The following NELL1 variants were observed in gnomAD, a reference collection of about 807,000 sequenced individuals.
NELL1 encodes the protein protein kinase C-binding protein NELL1.
NELL1 carries 76 observed loss-of-function variants against 107.4 expected under a neutral mutation model. The ratio of observed to expected loss-of-function variants is 0.71; its 90% CI spans 0.59 to 0.86. The LOEUF (loss-of-function observed/expected upper bound fraction) is 0.86, where lower values mean the gene tolerates loss of function less well. NELL1 is among the 40% of genes least tolerant of loss of function. The probability of loss-of-function intolerance (pLI) is 0.00; values close to 1 mark genes in which losing one functional copy is unlikely to be tolerated. For synonymous variants in NELL1, 353 were observed against 341.2 expected, an observed-to-expected ratio of 1.03 and a Z score of -0.38; for missense variants, 1,024 against 1,005.5, an observed-to-expected ratio of 1.02 and a Z score of -0.25.
chr11:20,807,626 C>T (rs570812559), intron 3 of NELL1, among the ~76,000 whole-genome samples: 57 of 152,338 alleles, frequency 3.7e-4, no homozygotes, highest in Admixed American at 7.8e-4. Context: ...GTGTTCTTCC[C>T]TTCTGTGCAG....
rs1421676033 is a variant in NELL1, at chr11:21,560,213, C to T, written c.1811C>T (p.Thr604Ile). ...CIDIDECALR[T>I]HTCWNDSACI... ...GACATTGATGAATGTGCCTTAAGAA[C>T]TCACACCTGTTGGAACGATTCTGCC... Residue 604 changes from threonine (T) to isoleucine (I), a missense_variant, in exon 17 of 20, where the codon ACT (threonine) becomes ATT (isoleucine). Thr to Ile is a moderately conservative substitution (Grantham distance 89, BLOSUM62 -1). Coordinates refer to ENST00000357134, the MANE Select transcript of NELL1 (RefSeq NM_006157.5). 1.2e-6 allele frequency: 2 copies of T among 1,613,690 alleles called. No individual in the cohort carries two copies. The highest frequency in any genetic ancestry group is 1.1e-5 in the South Asian group (1 of 91,084).
intron 15 of NELL1, among the ~76,000 whole-genome samples, chr11:21,427,892 C>A (rs1038116861): frequency 2.0e-5 from 3 of 152,178 alleles, no homozygotes; most frequent in Non-Finnish European, 2.9e-5. Flanking sequence ...AAAGCCACTG[C>A]AACTTCCCAG....
rs371199709 is a variant in NELL1 at position 21,424,668 on chromosome 11, C to T, written c.1645+53720C>T. Among the ~76,000 whole-genome samples, 13 of 151,992 alleles carry T rather than the reference C, an allele frequency of 8.6e-5. No individual in the cohort carries two copies. The South Asian group carries it at 1.0e-3, about 12-fold the overall frequency. Reference sequence around the variant, plus strand: ...GAAAACAAAAACAAAAAAATGAGTACGGTATGCTATCTAATTTGGTAATGA... The same window carrying T: ...GAAAACAAAAACAAAAAAATGAGTATGGTATGCTATCTAATTTGGTAATGA... On this transcript the variant is annotated intron_variant, in intron 15 of 19. Transcript: ENST00000357134.
intron 5 of NELL1, among the ~76,000 whole-genome samples, chr11:20,911,327 A>G (rs1369475178): frequency 2.6e-5 from 4 of 152,174 alleles, no homozygotes; most frequent in Admixed American, 6.5e-5. Context: ...AGTTAATTAC[A>G]TTTCACCTTC....
intron 13 of NELL1, among the ~76,000 whole-genome samples, chr11:21,195,333 G>T (rs1055275125): frequency 1.3e-5 from 2 of 152,000 alleles, no homozygotes; most frequent in African/African-American, 2.4e-5. Flanking sequence ...CCTGAGTTTG[G>T]TCTCAAGTCC....
intron 12 of NELL1, among the ~76,000 whole-genome samples, chr11:21,084,691 C>A (rs1176643010): frequency 1.3e-5 from 2 of 152,212 alleles, no homozygotes; most frequent in African/African-American, 4.8e-5. Flanking sequence ...GTGGAATTGC[C>A]AGTCATCTTA....
chr11:21,403,739 A>G (rs1190291863), intron 15 of NELL1, among the ~76,000 whole-genome samples: 1 of 141,132 alleles, frequency 7.1e-6, no homozygotes, highest in African/African-American at 2.6e-5. Context: ...CAAGAATGTT[A>G]TCAGAAAAAA....
chr11:21,001,686 C>G lies in NELL1; in HGVS notation c.1300+41126C>G, dbSNP rs143100922. Among the ~76,000 whole-genome samples the G allele has an allele frequency of 3.3e-5, 5 of 151,758 alleles. No homozygotes were observed. In the East Asian group the frequency reaches 5.9e-4, roughly 18 times the overall value. On this transcript the variant is annotated intron_variant, in intron 12 of 19. Coordinates refer to ENST00000357134, the MANE Select transcript of NELL1 (RefSeq NM_006157.5). The stretch of plus-strand genomic sequence containing the variant: ...AAGCAAAATAGAGAAAATAAGAGAG[C>G]CTCAGACCAAATGTGAATCTTACAA...
At chr11:21,252,430 C>T (rs1035181932) in intron 14 of NELL1, among the ~76,000 whole-genome samples, 2 of 152,114 alleles carry the variant, frequency 1.3e-5, no homozygotes, top group African/African-American at 4.8e-5. Context: ...AGAGACTTGA[C>T]ACCAAGTTGT....
rs116524344 is a variant in NELL1, at chr11:21,457,017, T to A, written c.1646-77357T>A. 6.0e-3 allele frequency among the ~76,000 whole-genome samples: 917 copies of A among 152,200 alleles called. 14 individuals are homozygous for A. The highest frequency in any genetic ancestry group is 0.021 in the African/African-American group (875 of 41,536). The stretch of plus-strand genomic sequence containing the variant: ...ACACACACACACCACCCTGACATAA[T>A]ACTTCCATTAAAGGTTTGGCAATAT... On this transcript the variant is annotated intron_variant, in intron 15 of 19. Transcript: ENST00000357134.
At chr11:21,419,712 C>T (rs73457393) in intron 15 of NELL1, among the ~76,000 whole-genome samples, 4,616 of 151,988 alleles carry the variant, frequency 0.03, 249 homozygotes, top group African/African-American at 0.1. Flanking sequence ...GCTGTCACTT[C>T]GATGAAGAGA....
intron 15 of NELL1, among the ~76,000 whole-genome samples, chr11:21,474,383 C>G (rs1371758396): frequency 6.6e-6 from 1 of 151,916 alleles, no homozygotes; most frequent in Non-Finnish European, 1.5e-5. Flanking sequence ...TCTGTGTTCC[C>G]TTTATAAGAT....
intron 5 of NELL1, among the ~76,000 whole-genome samples, chr11:20,902,265 A>T (rs1849892252): frequency 6.7e-6 from 1 of 150,190 alleles, no homozygotes; most frequent in Non-Finnish European, 1.5e-5. Context: ...GCTGCAAATC[A>T]ATAAGAAACC....
intron 12 of NELL1, among the ~76,000 whole-genome samples, chr11:21,015,403 T>A (rs1024851708): frequency 2.6e-5 from 4 of 152,124 alleles, no homozygotes; most frequent in Non-Finnish European, 5.9e-5. Context: ...CCCTTTTCCC[T>A]GTGCTCATAG....
At chr11:21,337,844 T>G (rs201298974) in intron 14 of NELL1, among the ~76,000 whole-genome samples, 14,337 of 142,028 alleles carry the variant, frequency 0.1, 1,075 homozygotes, top group South Asian at 0.14. Context: ...TTCTTTTCTT[T>G]CTTTCTTTCT....
chr11:21,554,095 A>G lies in NELL1; in HGVS notation c.1787-6094A>G, dbSNP rs1346100628. On this transcript the variant is annotated intron_variant, in intron 16 of 19. Coordinates refer to ENST00000357134, the MANE Select transcript of NELL1 (RefSeq NM_006157.5). ...CTGTTTAAACAGCAAGTATTTCAGT[A>G]TTTATGGATTTTTTATTTATTCTCT... Among the ~76,000 whole-genome samples the G allele has an allele frequency of 2.6e-5, 4 of 151,836 alleles. No individual in the cohort carries two copies. In the East Asian group the frequency reaches 7.8e-4, roughly 30 times the overall value.
At chr11:21,146,157 G>A (rs1855973815) in intron 13 of NELL1, among the ~76,000 whole-genome samples, 1 of 152,028 alleles carries the variant, frequency 6.6e-6, no homozygotes, top group East Asian at 1.9e-4. Flanking sequence ...AAAATCTTCT[G>A]TGTAGTGTCT....
chr11:21,149,020 G>A (rs1856050815), intron 13 of NELL1, among the ~76,000 whole-genome samples: 2 of 152,274 alleles, frequency 1.3e-5, no homozygotes, highest in South Asian at 4.1e-4. Flanking sequence ...GCAGAAAAGA[G>A]TATCAGGGAA....
At chr11:20,680,896 C>G (rs752733108) in intron 2 of NELL1, among the ~76,000 whole-genome samples, 2 of 152,080 alleles carry the variant, frequency 1.3e-5, no homozygotes, top group African/African-American at 2.4e-5. Flanking sequence ...ATAGTATTCT[C>G]AAGAATCTTG....
Sources: allele counts gnomAD v4.1 joint callset (sites outside exome capture counted in the v4.1 genomes callset), GRCh38; gene constraint gnomAD v4.1.1; transcripts MANE v1.5; gene names NCBI Gene and HGNC (gene_info 2026-07-23, HGNC 2026-07-21).